The following PRKG1 variants were observed in gnomAD, a reference collection of about 807,000 sequenced individuals.
PRKG1 encodes protein kinase cGMP-dependent 1.
A neutral mutation model predicts 88.1 loss-of-function variants in PRKG1; 35 were observed. The ratio of observed to expected loss-of-function variants is 0.40; its 90% CI spans 0.30 to 0.53. PRKG1 has a LOEUF of 0.53. Ranked by LOEUF, PRKG1 falls within the 20% of genes least tolerant of loss-of-function variation. PRKG1 has a pLI of 0.59. For synonymous variants in PRKG1, 303 were observed against 292.5 expected (o/e 1.04, Z -0.37); for missense variants, 540 against 839.8 (o/e 0.64, Z 4.41).
chr10:51,765,812 ATGATTTTTTTTT>A (rs1838143585), intron 3 of PRKG1, among the ~76,000 whole-genome samples: 1 of 143,314 alleles, frequency 7.0e-6, no homozygotes, highest in African/African-American at 2.6e-5. Flanking sequence ...GTTGCCTTAC[ATGATTTTTTTTT>A]TTTTTTTTTT....
chr10:52,050,055 G>A (rs911730035), intron 5 of PRKG1, among the ~76,000 whole-genome samples: 10 of 142,756 alleles, frequency 7.0e-5, no homozygotes, highest in Non-Finnish European at 1.1e-4. Flanking sequence ...GAGAGAGTGT[G>A]TTCATGTGTG....
At chr10:51,164,365 C>T (rs866892190) in intron 2 of PRKG1, among the ~76,000 whole-genome samples, 1 of 152,160 alleles carries the variant, frequency 6.6e-6, no homozygotes, top group African/African-American at 2.4e-5. Context: ...AACTAACAAA[C>T]AGAAAGGACA....
At chr10:52,267,516 C>A (rs1372589615) in intron 10 of PRKG1, among the ~76,000 whole-genome samples, 3 of 151,930 alleles carry the variant, frequency 2.0e-5, no homozygotes, top group Non-Finnish European at 4.4e-5. Context: ...AAAAGTTAAG[C>A]AATTCAAAAA....
intron 1 of PRKG1, among the ~76,000 whole-genome samples, chr10:51,113,307 A>G (rs1300511533): frequency 1.3e-5 from 2 of 152,186 alleles, no homozygotes; most frequent in African/African-American, 2.4e-5. Context: ...AATCATGCCA[A>G]TGCAGTTGCC....
At chr10:51,274,222 A>G (rs1302830422) in intron 2 of PRKG1, among the ~76,000 whole-genome samples, 1 of 152,178 alleles carries the variant, frequency 6.6e-6, no homozygotes, top group Non-Finnish European at 1.5e-5. Flanking sequence ...ACTACCTCAA[A>G]GTAATCACCA....
At chr10:51,123,040 C>A (rs970896824) in intron 1 of PRKG1, among the ~76,000 whole-genome samples, 6 of 152,118 alleles carry the variant, frequency 3.9e-5, no homozygotes, top group African/African-American at 1.4e-4. Context: ...AACAAAAGCC[C>A]CAATTCTATA....
intron 2 of PRKG1, among the ~76,000 whole-genome samples, chr10:51,161,019 G>T (rs1846346777): frequency 6.6e-6 from 1 of 151,946 alleles, no homozygotes; most frequent in South Asian, 2.1e-4. Flanking sequence ...AAAGTAGGAG[G>T]CTTGAAAAGC....
chr10:51,403,192 A>T (rs1303548391), intron 2 of PRKG1, among the ~76,000 whole-genome samples: 1 of 152,180 alleles, frequency 6.6e-6, no homozygotes, highest in Non-Finnish European at 1.5e-5. Context: ...ATGCAGAGTG[A>T]TGGATGTCAG....
chr10:52,264,758 A>G (rs1841530516), intron 10 of PRKG1, among the ~76,000 whole-genome samples: 1 of 152,110 alleles, frequency 6.6e-6, no homozygotes, highest in Admixed American at 6.6e-5. Context: ...TGAGAAAGCT[A>G]CTGCTACTTT....
chr10:51,969,343 A>T (rs1843649017), intron 5 of PRKG1, among the ~76,000 whole-genome samples: 1 of 152,154 alleles, frequency 6.6e-6, no homozygotes, highest in Non-Finnish European at 1.5e-5. Context: ...TGGAACTGTG[A>T]TTCATTCAAG....
chr10:51,913,253 A>G (rs1270268342), intron 5 of PRKG1, among the ~76,000 whole-genome samples: 2 of 152,292 alleles, frequency 1.3e-5, no homozygotes, highest in East Asian at 3.9e-4. Context: ...ATACAGGGGT[A>G]CATGAACAGG....
chr10:52,171,183 T>C (rs141746640), intron 9 of PRKG1, among the ~76,000 whole-genome samples: 67 of 150,924 alleles, frequency 4.4e-4, no homozygotes, highest in African/African-American at 1.5e-3. Flanking sequence ...GTGAAGATTC[T>C]AGTATTCCCA....
At chr10:51,483,009 CTTTTTTTTTT>C (rs149140774) in intron 3 of PRKG1, among the ~76,000 whole-genome samples, 7 of 110,462 alleles carry the variant, frequency 6.3e-5, no homozygotes, top group Admixed American at 4.9e-4. Flanking sequence ...TCTTTTCTTT[CTTTTTTTTTT>C]TTTTTTTTTT....
At chr10:52,007,225 T>G (rs1040220587) in intron 5 of PRKG1, among the ~76,000 whole-genome samples, 1 of 152,056 alleles carries the variant, frequency 6.6e-6, no homozygotes, top group Non-Finnish European at 1.5e-5. Context: ...GAGTCTGTAT[T>G]TAACATCAAC....
chr10:52,218,012 G>C (rs1328449823), intron 9 of PRKG1, among the ~76,000 whole-genome samples: 1 of 151,948 alleles, frequency 6.6e-6, no homozygotes, highest in African/African-American at 2.4e-5. Context: ...AGGAGTTCAA[G>C]ACCAGCCTGA....
At chr10:51,157,456 TA>T (rs1846242745) in intron 2 of PRKG1, among the ~76,000 whole-genome samples, 3 of 152,058 alleles carry the variant, frequency 2.0e-5, no homozygotes, top group Admixed American at 2.0e-4. Context: ...TGGCCTTAAT[TA>T]TGAGGTAGCA....
chr10:51,687,164 T>A (rs1016023975), intron 3 of PRKG1, among the ~76,000 whole-genome samples: 1 of 152,336 alleles, frequency 6.6e-6, no homozygotes, highest in South Asian at 2.1e-4. Context: ...AAAAAAAAGT[T>A]AATTTGCTTA....
chr10:51,236,523 A>G (rs1488571569), intron 2 of PRKG1, among the ~76,000 whole-genome samples: 5 of 144,244 alleles, frequency 3.5e-5, no homozygotes, highest in Non-Finnish European at 7.6e-5. Context: ...TTTTTTTTTT[A>G]ATGGAGTCTT....
chr10:51,844,910 T>G (rs1840362595), intron 4 of PRKG1, among the ~76,000 whole-genome samples: 1 of 152,208 alleles, frequency 6.6e-6, no homozygotes, highest in Non-Finnish European at 1.5e-5. Flanking sequence ...TATCTGACAG[T>G]GCTTTTTGAG....
Sources: gnomAD v4.1 joint callset for allele counts (sites outside exome capture counted in the v4.1 genomes callset) on GRCh38, gnomAD v4.1.1 for gene constraint, MANE v1.5 for transcripts, NCBI Gene and HGNC (gene_info 2026-07-23, HGNC 2026-07-21) for gene names.